Variants in FTO observed in about 807,000 individuals in gnomAD.
FTO encodes FTO alpha-ketoglutarate dependent dioxygenase, also known as alpha-ketoglutarate-dependent dioxygenase FTO.
FTO carries 47 observed loss-of-function variants against 63.9 expected under a neutral mutation model. That is an observed-to-expected ratio of 0.74 (90% CI 0.58 to 0.94). The LOEUF (loss-of-function observed/expected upper bound fraction) is 0.94, where lower values mean the gene tolerates loss of function less well. Among genes scored for constraint, FTO ranks in the 40% least tolerant of loss-of-function variants. FTO has a pLI of 0.00. For synonymous variants in FTO, 207 were observed against 224.4 expected (o/e 0.92, Z 0.69); for missense variants, 562 against 618.1 (o/e 0.91, Z 0.96).
intron 8 of FTO, among the ~76,000 whole-genome samples, chr16:53,970,048 G>A (rs1407941695): frequency 6.6e-6 from 1 of 152,104 alleles, no homozygotes. Flanking sequence ...GGCGAGGTGT[G>A]GCCAATGGTT....
chr16:54,072,944 G>A (rs2144464508), intron 8 of FTO, among the ~76,000 whole-genome samples: 1 of 152,280 alleles, frequency 6.6e-6, no homozygotes, highest in South Asian at 2.1e-4. Context: ...TTCATGTTTT[G>A]CAATATTCCT....
chr16:53,787,719 T>G (rs752830084), intron 1 of FTO, among the ~76,000 whole-genome samples: 1 of 152,156 alleles, frequency 6.6e-6, no homozygotes, highest in Non-Finnish European at 1.5e-5. Flanking sequence ...CATCTTAGAC[T>G]GTGTAGCATG....
chr16:53,972,374 A>T (rs1385745728), intron 8 of FTO, among the ~76,000 whole-genome samples: 1 of 152,174 alleles, frequency 6.6e-6, no homozygotes, highest in Admixed American at 6.5e-5. Context: ...TCTCTGAACT[A>T]AAAATGAGTT....
Position 54,116,600 on chromosome 16 carries a change from G to C in FTO, c.*4685G>C, listed in dbSNP as rs760595168. On this transcript the variant is annotated 3_prime_UTR_variant, in exon 9 of 9. Transcript: ENST00000471389. Reference sequence around the variant, plus strand: ...GATGATTGCGGCTGTAGGGAAAGCCGGGCAGCTTGCAGAGGATGGGTGGGA... The same window carrying C: ...GATGATTGCGGCTGTAGGGAAAGCCCGGCAGCTTGCAGAGGATGGGTGGGA... 20 of 151,844 alleles carry C rather than the reference G, an allele frequency of 1.3e-4. No individual in the cohort carries two copies. The highest frequency in any genetic ancestry group is 2.6e-4 in the Admixed American group (4 of 15,252). The allele number at this position is 151,844 out of a possible 1,614,324, so 9.4% of individuals were successfully genotyped here. A position where few individuals can be genotyped will look rare whatever the true frequency, so the allele number is the denominator to read the frequency against.
In FTO at chr16:53,704,188, A is replaced by C. The variant is rs201836578; in HGVS notation, c.4A>C (p.Lys2Gln). 5 of 1,551,362 alleles carry C rather than the reference A, an allele frequency of 3.2e-6. No individual in the cohort carries two copies. In the African/African-American group the frequency reaches 6.8e-5, roughly 21 times the overall value. ...CGAAGGCGGCTTTAGTGGCAGCATG[A>C]AGCGCACCCCGACTGCCGAGGAACG... The part of the protein sequence containing the change: M[K>Q]RTPTAEERER... The change falls in exon 1 of 9, where the codon AAG becomes CAG. Residue 2 changes from lysine (K) to glutamine (Q), a missense_variant. Physicochemically the swap from Lys to Gln is moderately conservative, Grantham distance 53 (BLOSUM62 1). Coordinates refer to ENST00000471389, the MANE Select transcript of FTO (RefSeq NM_001080432.3).
At chr16:53,902,676 T>C (rs1453808332) in intron 7 of FTO, among the ~76,000 whole-genome samples, 1 of 152,140 alleles carries the variant, frequency 6.6e-6, no homozygotes, top group Non-Finnish European at 1.5e-5. Context: ...ATTTTCTTCA[T>C]TGGCTAGAGG....
intron 1 of FTO, among the ~76,000 whole-genome samples, chr16:53,787,223 T>C (rs894860612): frequency 6.6e-6 from 1 of 150,890 alleles, no homozygotes; most frequent in Non-Finnish European, 1.5e-5. Flanking sequence ...ACAACTTCTA[T>C]GTCTTGGTGG....
intron 8 of FTO, chr16:53,981,395 T>C (rs2083540550): frequency 6.6e-6 from 1 of 152,150 alleles, no homozygotes; most frequent in Non-Finnish European, 1.5e-5. Context: ...GTTCCCCAAA[T>C]CATTGCAACA....
At chr16:54,000,307 TC>T (rs2084037704) in intron 8 of FTO, among the ~76,000 whole-genome samples, 2 of 152,128 alleles carry the variant, frequency 1.3e-5, no homozygotes, top group African/African-American at 2.4e-5. Context: ...GAAGTCATAC[TC>T]ACATTTCAAA....
intron 8 of FTO, among the ~76,000 whole-genome samples, chr16:53,960,008 G>A (rs1204304573): frequency 6.6e-6 from 1 of 152,146 alleles, no homozygotes; most frequent in Non-Finnish European, 1.5e-5. Flanking sequence ...TGGTTGAACA[G>A]CCTTGAAAAT....
chr16:53,875,839 G>C (rs1042403237), intron 5 of FTO, among the ~76,000 whole-genome samples: 5 of 152,152 alleles, frequency 3.3e-5, no homozygotes, highest in Admixed American at 3.3e-4. Context: ...ATAGAATGTA[G>C]CAGATAGCCC....
intron 8 of FTO, among the ~76,000 whole-genome samples, chr16:53,957,024 T>C (rs1003008586): frequency 5.3e-5 from 8 of 152,280 alleles, no homozygotes; most frequent in African/African-American, 7.2e-5. Flanking sequence ...AATATGTAGA[T>C]GTTTGCTTCA....
In FTO at chr16:54,049,100, A is replaced by T. The variant is rs142471481; in HGVS notation, c.1365-62662A>T. On this transcript the variant is annotated intron_variant, in intron 8 of 8. Coordinates refer to ENST00000471389, the MANE Select transcript of FTO (RefSeq NM_001080432.3). Reference sequence around the variant, plus strand: ...GTCAACTGTAAAAAATTAAGATCCAAACCGTAAGAAAGGTACTTAGATAAA... The same window carrying T: ...GTCAACTGTAAAAAATTAAGATCCATACCGTAAGAAAGGTACTTAGATAAA... 4.5e-3 allele frequency among the ~76,000 whole-genome samples: 689 copies of T among 152,306 alleles called. 3 individuals are homozygous for T. Among genetic ancestry groups the T allele is most frequent in the African/African-American group, 0.015 (627 of 41,554 alleles).
At chr16:53,732,617 T>A (rs1302555117) in intron 1 of FTO, among the ~76,000 whole-genome samples, 1 of 152,172 alleles carries the variant, frequency 6.6e-6, no homozygotes, top group Non-Finnish European at 1.5e-5. Flanking sequence ...CAACATGCAC[T>A]AAAATGTGAT....
In FTO at chr16:54,049,533, AG is replaced by A. The variant is rs755677918; in HGVS notation, c.1365-62222del. 3.9e-5 allele frequency among the ~76,000 whole-genome samples: 6 copies of A among 152,226 alleles called. No homozygotes were observed. In the South Asian group the frequency reaches 1.3e-3, roughly 32 times the overall value. On this transcript the variant is annotated intron_variant, in intron 8 of 8. Transcript: ENST00000471389. ...GAATACAATTAAATTCAAAGTGGTG[AG>A]GGGGGGAAATGGCCATGTTTACATA...
intron 8 of FTO, among the ~76,000 whole-genome samples, chr16:54,091,737 G>A (rs1483744248): frequency 6.6e-6 from 1 of 152,166 alleles, no homozygotes; most frequent in Non-Finnish European, 1.5e-5. Flanking sequence ...GAGTGATTTG[G>A]AGCATGGGCT....
At chr16:53,765,869 C>T (rs1032571237) in intron 1 of FTO, among the ~76,000 whole-genome samples, 1 of 152,050 alleles carries the variant, frequency 6.6e-6, no homozygotes, top group African/African-American at 2.4e-5. Flanking sequence ...CTTTAGACTG[C>T]GGTAGATTTC....
At chr16:53,723,024 T>A (rs929210151) in intron 1 of FTO, among the ~76,000 whole-genome samples, 2 of 152,226 alleles carry the variant, frequency 1.3e-5, no homozygotes, top group Non-Finnish European at 2.9e-5. Context: ...CTCCTGTTTT[T>A]ATTTAAGACT....
chr16:53,930,729 G>A (rs555314596), intron 7 of FTO, among the ~76,000 whole-genome samples: 51 of 152,172 alleles, frequency 3.4e-4, no homozygotes, highest in Non-Finnish European at 6.2e-4. Flanking sequence ...GGATGTGCTA[G>A]AATAACTGAA....
Sources: gnomAD v4.1 joint callset for allele counts (sites outside exome capture counted in the v4.1 genomes callset) on GRCh38, gnomAD v4.1.1 for gene constraint, MANE v1.5 for transcripts, NCBI Gene and HGNC (gene_info 2026-07-23, HGNC 2026-07-21) for gene names.